Variants in CPA6 observed in about 807,000 individuals in gnomAD.
The protein encoded by CPA6 is carboxypeptidase A6.
In CPA6, 58 loss-of-function variants were observed where a neutral mutation model predicts 63.3. The observed-to-expected ratio is 0.92, with a 90% CI of 0.74 to 1.14. CPA6 has a LOEUF of 1.14. CPA6 is among the 50% of genes most tolerant of loss of function. The pLI is 0.00. For missense variants in CPA6, 565 were observed against 526.6 expected, an observed-to-expected ratio of 1.07 and a Z score of -0.71; for synonymous variants, 185 against 179.0, an observed-to-expected ratio of 1.03 and a Z score of -0.27.
chr8:67,746,180 G>GCTTAA lies in CPA6; in HGVS notation c.-52_-51insTTAAG. 7.0e-7 allele frequency: 1 copy of GCTTAA among 1,438,558 alleles called. No individual in the cohort carries two copies. The highest frequency in any genetic ancestry group is 9.7e-7 in the Non-Finnish European group (1 of 1,035,528). 89.1% of individuals were successfully genotyped at this position (1,438,558 alleles called of 1,614,324 possible). ...GTTACTTAAGCAGCCACCCGAGGCTGGAGGTGGCTCACAGCACCCTCTACA... is the reference window on the plus strand; with the variant it reads ...GTTACTTAAGCAGCCACCCGAGGCTGCTTAAGAGGTGGCTCACAGCACCCTCTACA... On this transcript the variant is annotated 5_prime_UTR_variant, in exon 1 of 11. Transcript: ENST00000297770.
intron 2 of CPA6, among the ~76,000 whole-genome samples, chr8:67,519,959 T>C (rs900245153): frequency 6.6e-6 from 1 of 152,190 alleles, no homozygotes; most frequent in African/African-American, 2.4e-5. Flanking sequence ...CGTTCTATTC[T>C]TCAGTGAGGA....
intron 1 of CPA6, among the ~76,000 whole-genome samples, chr8:67,657,064 A>G (rs1213759740): frequency 1.3e-5 from 2 of 152,176 alleles, no homozygotes; most frequent in Non-Finnish European, 2.9e-5. Context: ...GCTTAAACAC[A>G]TGGTGTCTCC....
At chr8:67,693,234 T>C (rs1816848712) in intron 1 of CPA6, among the ~76,000 whole-genome samples, 1 of 152,232 alleles carries the variant, frequency 6.6e-6, no homozygotes. Context: ...AAACAAATGC[T>C]AGCCTTCTCA....
At chr8:67,572,539 C>T (rs1813511814) in intron 2 of CPA6, among the ~76,000 whole-genome samples, 1 of 152,180 alleles carries the variant, frequency 6.6e-6, no homozygotes, top group Admixed American at 6.5e-5. Flanking sequence ...CAGGGCCATG[C>T]ATGACCTTAA....
At chr8:67,517,275 T>A (rs1812165078) in intron 3 of CPA6, among the ~76,000 whole-genome samples, 1 of 152,234 alleles carries the variant, frequency 6.6e-6, no homozygotes, top group Admixed American at 6.5e-5. Flanking sequence ...TGAAATATTT[T>A]TTTAATGCTC....
At chr8:67,670,613 G>T (rs776223774) in intron 1 of CPA6, among the ~76,000 whole-genome samples, 1 of 152,130 alleles carries the variant, frequency 6.6e-6, no homozygotes, top group Non-Finnish European at 1.5e-5. Context: ...TAGGACCTGG[G>T]AGCTCAATAG....
At chr8:67,510,493 TA>T (rs1812020765) in intron 4 of CPA6, among the ~76,000 whole-genome samples, 1 of 152,168 alleles carries the variant, frequency 6.6e-6, no homozygotes, top group African/African-American at 2.4e-5. Context: ...TAGTGCATGT[TA>T]ACAGTACTTC....
At chr8:67,679,647 C>T (rs1816550408) in intron 1 of CPA6, among the ~76,000 whole-genome samples, 1 of 152,134 alleles carries the variant, frequency 6.6e-6, no homozygotes, top group Non-Finnish European at 1.5e-5. Flanking sequence ...CAGGGGTATC[C>T]ATAGCTGTCA....
At chr8:67,531,274 A>T (rs1321701841) in intron 2 of CPA6, among the ~76,000 whole-genome samples, 1 of 152,148 alleles carries the variant, frequency 6.6e-6, no homozygotes, top group Admixed American at 6.5e-5. Flanking sequence ...AAATGAGGAG[A>T]TATATCAGTA....
intron 1 of CPA6, among the ~76,000 whole-genome samples, chr8:67,632,093 G>A (rs1174637126): frequency 6.6e-6 from 1 of 151,998 alleles, no homozygotes; most frequent in Non-Finnish European, 1.5e-5. Flanking sequence ...TTTTATAACT[G>A]TATTCATAAG....
intron 2 of CPA6, among the ~76,000 whole-genome samples, chr8:67,524,672 C>T (rs1159212852): frequency 2.0e-5 from 3 of 151,112 alleles, no homozygotes; most frequent in Non-Finnish European, 4.4e-5. Context: ...GGTTAGGACT[C>T]GGACATACCT....
chr8:67,515,042 CA>C (rs1812114415), intron 3 of CPA6, among the ~76,000 whole-genome samples: 2 of 152,178 alleles, frequency 1.3e-5, no homozygotes, highest in African/African-American at 4.8e-5. Flanking sequence ...ACCCTTGGCT[CA>C]GCCCTCTAGA....
intron 1 of CPA6, among the ~76,000 whole-genome samples, chr8:67,721,355 A>C (rs1190057480): frequency 6.6e-6 from 1 of 152,226 alleles, no homozygotes; most frequent in Admixed American, 6.5e-5. Flanking sequence ...AATAGTCTTT[A>C]AGGGTTTCAG....
chr8:67,671,883 T>C (rs62511388), intron 1 of CPA6, among the ~76,000 whole-genome samples: 5,363 of 152,262 alleles, frequency 0.035, 121 homozygotes, highest in Non-Finnish European at 0.047. Flanking sequence ...CAGGCTGGAG[T>C]GCAGTGGTGC....
At chr8:67,651,748 G>GATT (rs1370370184) in intron 1 of CPA6, among the ~76,000 whole-genome samples, 1 of 151,596 alleles carries the variant, frequency 6.6e-6, no homozygotes, top group African/African-American at 2.4e-5. Flanking sequence ...TTTAAAATTT[G>GATT]ATTATTATTA....
chr8:67,668,806 C>T lies in CPA6; in HGVS notation c.117-44555G>A, dbSNP rs73683157. 7.3e-3 allele frequency among the ~76,000 whole-genome samples: 1,105 copies of T among 152,194 alleles called. 19 individuals are homozygous for T. Among genetic ancestry groups the T allele is most frequent in the African/African-American group, 0.025 (1,044 of 41,470 alleles). On this transcript the variant is annotated intron_variant, in intron 1 of 10. Coordinates refer to ENST00000297770, the MANE Select transcript of CPA6 (RefSeq NM_020361.5). ...GCACATAATGAAGAGAGGAAACTGA[C>T]GTTCAAATTCACAACTATATTACAA...
chr8:67,588,374 G>A (rs917411302), intron 2 of CPA6, among the ~76,000 whole-genome samples: 11 of 152,144 alleles, frequency 7.2e-5, no homozygotes, highest in Admixed American at 2.0e-4. Flanking sequence ...AATTATTGGG[G>A]TAATAAAAGA....
At position 67,484,680 on chromosome 8, in the gene CPA6, T is replaced by C. The variant is rs17343819; in HGVS notation, c.746A>G (p.Asn249Ser). Reference protein sequence around the residue: ...NVDGYHFSWTNDRFWRKTRSR... With the variant: ...NVDGYHFSWTSDRFWRKTRSR... ...AACTGGGTAGGCAAAGTGACTTACA[T>C]TGGTCCAACTAAAATGGTATCCATC... Residue 249 changes from asparagine (N) to serine (S), a missense_variant and splice_region_variant, in exon 7 of 11, where the codon AAT becomes AGT. By Grantham distance (46) the Asn-to-Ser change is conservative. Transcript: ENST00000297770. The C allele has an allele frequency of 0.13, 201,496 of 1,514,380 alleles. 14,764 individuals carry two copies. Among genetic ancestry groups the C allele is most frequent in the Middle Eastern group, 0.23 (1,356 of 5,830 alleles). 93.8% of individuals were successfully genotyped at this position (1,514,380 alleles called of 1,614,324 possible).
In CPA6 at chr8:67,518,509, CTT is replaced by C. The variant is rs71554610; in HGVS notation, c.193-464_193-463del. On this transcript the variant is annotated intron_variant, in intron 2 of 10. Transcript: ENST00000297770. ...CTTTTTTTTCTTTTTCTTTTCTTTT[CTT>C]TTTTTTTTTTTTTGAGACAGAGTCT... is the stretch of plus-strand genomic sequence containing the variant. Among the ~76,000 whole-genome samples the C allele has an allele frequency of 3.0e-3, 388 of 129,808 alleles. 1 individual carries two copies. The highest frequency in any genetic ancestry group is 0.01 in the African/African-American group (340 of 33,414). The allele number at this position is 129,808 out of a possible 152,430, so 85.2% of individuals were successfully genotyped here.
Sources: gnomAD v4.1 joint callset for allele counts (sites outside exome capture counted in the v4.1 genomes callset) on GRCh38, gnomAD v4.1.1 for gene constraint, MANE v1.5 for transcripts, NCBI Gene and HGNC (gene_info 2026-07-23, HGNC 2026-07-21) for gene names.